Variants in SMAD6 observed in about 807,000 individuals in gnomAD.
SMAD6 encodes SMAD family member 6.
Under a neutral mutation model 39.4 loss-of-function variants are expected in SMAD6, and 103 were observed. The ratio of observed to expected loss-of-function variants is 2.62; its 90% confidence interval spans 2.23 to 3.08. SMAD6 has a LOEUF of 3.08. Ranked by LOEUF, SMAD6 falls within the 30% of genes most tolerant of loss-of-function variation. The pLI is 0.00. For synonymous variants in SMAD6, 445 were observed against 353.3 expected (o/e 1.26, Z -2.91); for missense variants, 1,104 against 742.9 (o/e 1.49, Z -5.65).
chr15:66,753,482 C>T (rs923388271), intron 3 of SMAD6, among the ~76,000 whole-genome samples: 22 of 152,142 alleles, frequency 1.4e-4, no homozygotes, highest in Non-Finnish European at 2.9e-4. Context: ...CCTTGGGTGG[C>T]CTTTTGTAAG....
intron 3 of SMAD6, among the ~76,000 whole-genome samples, chr15:66,767,683 G>A (rs759677166): frequency 6.6e-5 from 10 of 152,186 alleles, no homozygotes; most frequent in Non-Finnish European, 1.5e-4. Flanking sequence ...GCAAATATTA[G>A]TATTTAATTG....
intron 3 of SMAD6, among the ~76,000 whole-genome samples, chr15:66,758,660 A>G (rs1894144872): frequency 6.6e-6 from 1 of 152,024 alleles, no homozygotes; most frequent in Non-Finnish European, 1.5e-5. Flanking sequence ...CCTGGGAGGC[A>G]GAGTTTGTAG....
chr15:66,741,744 G>T (rs944803515), intron 3 of SMAD6, among the ~76,000 whole-genome samples: 2 of 152,170 alleles, frequency 1.3e-5, no homozygotes, highest in Admixed American at 6.5e-5. Context: ...CAGTTCAGTG[G>T]TTTTTAGTAT....
chr15:66,716,401 C>G lies in SMAD6; in HGVS notation c.875-20C>G. ...GCTGCCCCACGGCCAACTAAGTTCTCTTTTTCTTTCCTCCCACAGATCTGT... is the reference window on the plus strand; with the variant it reads ...GCTGCCCCACGGCCAACTAAGTTCTGTTTTTCTTTCCTCCCACAGATCTGT... On this transcript the variant is annotated intron_variant, in intron 2 of 3. Coordinates refer to ENST00000288840, the MANE Select transcript of SMAD6 (RefSeq NM_005585.5). 6.3e-7 allele frequency: 1 copy of G among 1,598,506 alleles called. No homozygotes were observed. The highest frequency in any genetic ancestry group is 8.6e-7 in the Non-Finnish European group (1 of 1,165,700).
At chr15:66,766,756 G>A (rs74019780) in intron 3 of SMAD6, among the ~76,000 whole-genome samples, 7,547 of 152,208 alleles carry the variant, frequency 0.05, 276 homozygotes, top group African/African-American at 0.11. Flanking sequence ...ACAGCCCTCC[G>A]GAGGGGGAAA....
At chr15:66,723,383 A>G (rs987161481) in intron 3 of SMAD6, among the ~76,000 whole-genome samples, 3 of 152,188 alleles carry the variant, frequency 2.0e-5, no homozygotes, top group Non-Finnish European at 4.4e-5. Flanking sequence ...TGTACTGAAC[A>G]TTTATTATTC....
intron 3 of SMAD6, among the ~76,000 whole-genome samples, chr15:66,764,165 G>T (rs1291044019): frequency 6.6e-6 from 1 of 152,254 alleles, no homozygotes; most frequent in Admixed American, 6.5e-5. Context: ...TCCCGTTAGA[G>T]GTCATGCAGA....
At position 66,716,433 on chromosome 15, in the gene SMAD6, C is replaced by T. The variant is rs200374822; in HGVS notation, c.887C>T (p.Ser296Phe). 3.7e-4 allele frequency: 604 copies of T among 1,613,018 alleles called. 7 individuals are homozygous for T. The South Asian group carries it at 6.2e-3, about 17-fold the overall frequency. Residue 296 changes from serine (S) to phenylalanine (F), a missense_variant, in exon 3 of 4, where the codon TCC becomes TTC. Ser to Phe is a radical substitution (Grantham distance 155, BLOSUM62 -2). Coordinates refer to ENST00000288840, the MANE Select transcript of SMAD6 (RefSeq NM_005585.5). ...DEYKPLDLSD[S>F]TLSYTETEAT... ...TTTCCTCCCACAGATCTGTCCGATT[C>T]CACATTGTCTTACACTGAAACGGAG...
At chr15:66,773,701 A>T (rs2140672269) in intron 3 of SMAD6, among the ~76,000 whole-genome samples, 1 of 152,272 alleles carries the variant, frequency 6.6e-6, no homozygotes, top group Admixed American at 6.5e-5. Flanking sequence ...GGAGTTTTCC[A>T]GGAGGGCAGG....
intron 3 of SMAD6, chr15:66,717,322 C>T (rs1395704861): frequency 6.5e-6 from 3 of 459,684 alleles, no homozygotes; most frequent in South Asian, 3.1e-5. Flanking sequence ...GACATTCTTC[C>T]CTCACCCCAC....
Position 66,758,557 on chromosome 15 carries a change from G to A in SMAD6, c.953-22440G>A, listed in dbSNP as rs555252216. Among the ~76,000 whole-genome samples the A allele has an allele frequency of 3.0e-4, 45 of 152,194 alleles. No individual in the cohort carries two copies. In the South Asian group the frequency reaches 6.0e-3, roughly 20 times the overall value. On this transcript the variant is annotated intron_variant, in intron 3 of 3. Transcript: ENST00000288840. ...AGCCTGACCAACATGGTGAAACCCCGTCTCTGCTAAAAATACAAAAATTAG... is the reference window on the plus strand; with the variant it reads ...AGCCTGACCAACATGGTGAAACCCCATCTCTGCTAAAAATACAAAAATTAG...
intron 3 of SMAD6, among the ~76,000 whole-genome samples, chr15:66,750,628 C>CGG (rs34571269): frequency 3.3e-5 from 5 of 151,828 alleles, no homozygotes; most frequent in Admixed American, 6.6e-5. Context: ...TTTATTGAGG[C>CGG]GGGGGGTTGA....
At chr15:66,734,489 C>G (rs536401995) in intron 3 of SMAD6, among the ~76,000 whole-genome samples, 3 of 152,272 alleles carry the variant, frequency 2.0e-5, no homozygotes, top group South Asian at 4.2e-4. Context: ...TCGGAGAGGC[C>G]CTAGCCTGGC....
rs1005487967 is a variant in SMAD6 at position 66,736,700 on chromosome 15, C to G, written c.952+20202C>G. 4.0e-5 allele frequency among the ~76,000 whole-genome samples: 6 copies of G among 151,838 alleles called. 1 individual carries two copies. In the East Asian group the frequency reaches 1.2e-3, roughly 29 times the overall value. ...TTTTTTTTTTTGAGATGGAATCTCG[C>G]TCTGGCACCAGAGCGGAGTGTAGTG... On this transcript the variant is annotated intron_variant, in intron 3 of 3. Transcript: ENST00000288840.
rs1280304368 is a variant in SMAD6, at chr15:66,703,394, G to A, written c.136G>A (p.Ala46Thr). 2 of 1,408,838 alleles carry A rather than the reference G, an allele frequency of 1.4e-6. No homozygotes were observed. Among genetic ancestry groups the A allele is most frequent in the Non-Finnish European group, 1.9e-6 (2 of 1,080,798 alleles). 87.3% of individuals were successfully genotyped at this position (1,408,838 alleles called of 1,614,324 possible). The change falls in exon 1 of 4, where the codon GCC (alanine) becomes ACC (threonine). Residue 46 changes from alanine (A) to threonine (T), a missense_variant. Ala to Thr is a moderately conservative substitution (Grantham distance 58). Coordinates refer to ENST00000288840, the MANE Select transcript of SMAD6 (RefSeq NM_005585.5). Reference sequence around the variant, plus strand: ...GAGCTTGGGCAGCCGAGCTGAGCCGGCCCCGCGGGCAAGAGAGGGCGGAGG... The same window carrying A: ...GAGCTTGGGCAGCCGAGCTGAGCCGACCCCGCGGGCAAGAGAGGGCGGAGG... ...DGSLGSRAEPAPRAREGGGCG... is the reference protein window; with the variant it reads ...DGSLGSRAEPTPRAREGGGCG...
intron 3 of SMAD6, among the ~76,000 whole-genome samples, chr15:66,735,000 TC>T (rs779237416): frequency 5.9e-5 from 9 of 152,096 alleles, no homozygotes; most frequent in Non-Finnish European, 4.4e-5. Context: ...CCGCCCAGGG[TC>T]CCAGCAGAAG....
intron 3 of SMAD6, among the ~76,000 whole-genome samples, chr15:66,763,946 C>T (rs1415059209): frequency 6.6e-6 from 1 of 152,266 alleles, no homozygotes; most frequent in African/African-American, 2.4e-5. Context: ...CCTTCCTGGG[C>T]AGCCACTGAC....
At chr15:66,728,739 C>T (rs1595774128) in intron 3 of SMAD6, among the ~76,000 whole-genome samples, 2 of 152,214 alleles carry the variant, frequency 1.3e-5, no homozygotes, top group East Asian at 3.8e-4. Flanking sequence ...GCCGATTGCT[C>T]ATTCTCACTG....
Position 66,781,154 on chromosome 15 carries a change from G to A in SMAD6, c.1110G>A (p.Gln370=). 2.5e-6 allele frequency: 4 copies of A among 1,608,136 alleles called. No homozygotes were observed. The highest frequency in any genetic ancestry group is 3.4e-6 in the Non-Finnish European group (4 of 1,179,750). ...LPQGSGFCLG[Q]LNLEQRSESV... is the part of the protein sequence containing the mutation. ...AGGGCAGCGGCTTCTGCCTGGGCCA[G>A]CTCAACCTGGAGCAGCGCAGCGAGT... Residue 370 remains glutamine (Q), a synonymous_variant, in exon 4 of 4, where the codon CAG becomes CAA. Transcript: ENST00000288840.
Sources: gnomAD v4.1 joint callset for allele counts (sites outside exome capture counted in the v4.1 genomes callset) on GRCh38, gnomAD v4.1.1 for gene constraint, MANE v1.5 for transcripts, NCBI Gene and HGNC (gene_info 2026-07-23, HGNC 2026-07-21) for gene names.